Variants in ATRN observed in about 807,000 individuals in gnomAD.
The protein encoded by ATRN is attractin-2.
ATRN carries 54 observed loss-of-function variants against 178.7 expected under a neutral mutation model. The observed-to-expected ratio is 0.30, with a 90% CI of 0.24 to 0.38. The LOEUF is 0.38. ATRN is among the 10% of genes least tolerant of loss of function. The probability of loss-of-function intolerance (pLI) is 1.00; values close to 1 mark genes in which losing one functional copy is unlikely to be tolerated. For synonymous variants in ATRN, 636 were observed against 663.0 expected (o/e 0.96, Z 0.63); for missense variants, 1,443 against 1,815.1 (o/e 0.79, Z 3.73).
At chr20:3,479,799 G>GT (rs943981521) in intron 1 of ATRN, among the ~76,000 whole-genome samples, 1 of 152,174 alleles carries the variant, frequency 6.6e-6, no homozygotes, top group African/African-American at 2.4e-5. Flanking sequence ...ATTTTGGCTT[G>GT]TAGATGCATC....
intron 1 of ATRN, chr20:3,490,963 T>G (rs547191989): frequency 2.0e-6 from 3 of 1,533,990 alleles, no homozygotes; most frequent in Non-Finnish European, 1.8e-6. Context: ...AGCCTTTCCT[T>G]CTCCTCATGA....
rs576104282 is a variant in ATRN at position 3,535,836 on chromosome 20, A to C, written c.494+500A>C. On this transcript the variant is annotated intron_variant, in intron 2 of 28. Transcript: ENST00000262919. ...GTAGAGAAGGGGTTTCACCATGTTAACCAGGATGGTCTCGAACTCCTGACC... is the reference window on the plus strand; with the variant it reads ...GTAGAGAAGGGGTTTCACCATGTTACCCAGGATGGTCTCGAACTCCTGACC... Among the ~76,000 whole-genome samples, 36 of 151,996 alleles carry C rather than the reference A, an allele frequency of 2.4e-4. No individual in the cohort carries two copies. In the East Asian group the frequency reaches 6.8e-3, roughly 29 times the overall value.
At chr20:3,517,921 A>T (rs1403690881) in intron 1 of ATRN, among the ~76,000 whole-genome samples, 1 of 152,126 alleles carries the variant, frequency 6.6e-6, no homozygotes, top group Non-Finnish European at 1.5e-5. Context: ...TCCAGCTTCT[A>T]CAGGTGGCCT....
chr20:3,580,429 T>C (rs2086267070), intron 15 of ATRN, among the ~76,000 whole-genome samples: 1 of 152,178 alleles, frequency 6.6e-6, no homozygotes, highest in Non-Finnish European at 1.5e-5. Context: ...GACTGACAGA[T>C]GAGAGACAAC....
intron 1 of ATRN, among the ~76,000 whole-genome samples, chr20:3,508,039 C>T (rs1291729692): frequency 6.6e-6 from 1 of 151,720 alleles, no homozygotes; most frequent in Non-Finnish European, 1.5e-5. Context: ...TGGATTGAGA[C>T]ACATTATCTT....
In ATRN at chr20:3,563,305, C is replaced by G; in HGVS notation, c.1728C>G (p.Asp576Glu). The G allele has an allele frequency of 6.2e-7, 1 of 1,614,132 alleles. No individual in the cohort carries two copies. The highest frequency in any genetic ancestry group is 8.5e-7 in the Non-Finnish European group (1 of 1,180,002). Residue 576 changes from aspartate (D) to glutamate (E), a missense_variant, in exon 10 of 29, where the codon GAC (aspartate) becomes GAG (glutamate). Around this residue, in one of 4 missense-constraint regions of ATRN, gnomAD observed 862 missense variants for 972.1 expected, o/e 0.89. Coordinates refer to ENST00000262919, the MANE Select transcript of ATRN (RefSeq NM_139321.3). ...TGTTTGGAGGAAACACACACAATGA[C>G]ACATCTATGAGCCATGGCGCCAAAT... ...MLVFGGNTHN[D>E]TSMSHGAKCF...
intron 6 of ATRN, among the ~76,000 whole-genome samples, chr20:3,550,820 C>T (rs2085776751): frequency 6.6e-6 from 1 of 152,100 alleles, no homozygotes; most frequent in Non-Finnish European, 1.5e-5. Context: ...CTGTCAGGGT[C>T]TATTCTTTCT....
chr20:3,617,888 C>A (rs537884551), intron 24 of ATRN, among the ~76,000 whole-genome samples: 3 of 152,110 alleles, frequency 2.0e-5, no homozygotes, highest in African/African-American at 7.2e-5. Context: ...CTAGAACACT[C>A]AGGGGTCAGG....
intron 24 of ATRN, among the ~76,000 whole-genome samples, chr20:3,604,464 A>C (rs1264038448): frequency 6.6e-6 from 1 of 152,224 alleles, no homozygotes; most frequent in Non-Finnish European, 1.5e-5. Flanking sequence ...CATGAAAGAC[A>C]TTTGCAAAAG....
chr20:3,531,835 G>C (rs1365839901), intron 1 of ATRN, among the ~76,000 whole-genome samples: 3 of 152,142 alleles, frequency 2.0e-5, no homozygotes, highest in African/African-American at 7.2e-5. Flanking sequence ...ATTCGTCTGT[G>C]ATCATATCTA....
At chr20:3,515,128 G>A (rs564917098) in intron 1 of ATRN, among the ~76,000 whole-genome samples, 2 of 152,198 alleles carry the variant, frequency 1.3e-5, no homozygotes, top group African/African-American at 2.4e-5. Context: ...TGTAATGAAC[G>A]TCTAAAACAG....
At chr20:3,503,352 A>G (rs2084990010) in intron 1 of ATRN, among the ~76,000 whole-genome samples, 1 of 152,176 alleles carries the variant, frequency 6.6e-6, no homozygotes, top group Admixed American at 6.6e-5. Flanking sequence ...AACAAAGGAA[A>G]CCACAAATTG....
At chr20:3,524,460 A>C (rs772189317) in intron 1 of ATRN, among the ~76,000 whole-genome samples, 5 of 152,192 alleles carry the variant, frequency 3.3e-5, no homozygotes, top group African/African-American at 9.7e-5. Flanking sequence ...CCACGCAATA[A>C]TAGTGGGAGA....
chr20:3,611,383 T>C (rs1232041863), intron 24 of ATRN, among the ~76,000 whole-genome samples: 1 of 150,904 alleles, frequency 6.6e-6, no homozygotes, highest in African/African-American at 2.5e-5. Flanking sequence ...AAGACATGAA[T>C]AGACATTTAA....
At chr20:3,525,182 A>G (rs1568707067) in intron 1 of ATRN, among the ~76,000 whole-genome samples, 1 of 152,174 alleles carries the variant, frequency 6.6e-6, no homozygotes, top group Admixed American at 6.5e-5. Context: ...AGAGAGAAGA[A>G]TCAAATAGAC....
intron 1 of ATRN, among the ~76,000 whole-genome samples, chr20:3,524,267 A>G (rs929145156): frequency 2.0e-5 from 3 of 151,810 alleles, no homozygotes; most frequent in African/African-American, 7.3e-5. Context: ...TTGCAATCCT[A>G]GTATCTGATA....
chr20:3,578,102 G>A (rs1400901059), intron 14 of ATRN, among the ~76,000 whole-genome samples: 1 of 152,152 alleles, frequency 6.6e-6, no homozygotes, highest in Non-Finnish European at 1.5e-5. Context: ...TTGCTTTTGG[G>A]ATGCTTTGTA....
At chr20:3,591,450 T>C in intron 19 of ATRN, 144 bp downstream of exon 19, 1 of 1,087,218 alleles carries the variant, frequency 9.2e-7, no homozygotes, top group Non-Finnish European at 1.3e-6. Flanking sequence ...GAAGCTCAGC[T>C]GAGCTGGAAG....
chr20:3,561,335 C>T (rs1463862581), intron 8 of ATRN, among the ~76,000 whole-genome samples: 1 of 152,066 alleles, frequency 6.6e-6, no homozygotes, highest in Admixed American at 6.5e-5. Flanking sequence ...AACAAACAAA[C>T]AAACAAACAA....
Sources: gnomAD v4.1 joint callset for allele counts (sites outside exome capture counted in the v4.1 genomes callset) on GRCh38, gnomAD v4.1.1 for gene constraint, gnomAD v4.1.1 regional missense constraint, MANE v1.5 for transcripts, NCBI Gene and HGNC (gene_info 2026-07-23, HGNC 2026-07-21) for gene names.